Variants in PARVB observed in about 807,000 individuals in gnomAD.
PARVB encodes the protein beta-parvin.
Under a neutral mutation model 47.0 loss-of-function variants are expected in PARVB, and 46 were observed. The ratio of observed to expected loss-of-function variants is 0.98; its 90% CI spans 0.77 to 1.25. PARVB has a LOEUF of 1.25. Ranked by LOEUF, PARVB falls within the 50% of genes most tolerant of loss-of-function variation. The pLI, the probability that PARVB is intolerant of heterozygous loss-of-function variation, is 0.00. For missense variants in PARVB, 473 were observed against 471.6 expected, an observed-to-expected ratio of 1.00 and a Z score of -0.03; for synonymous variants, 196 against 196.3, an observed-to-expected ratio of 1.00 and a Z score of 0.01.
At position 44,168,662 on chromosome 22, in the gene PARVB, A is replaced by G; in HGVS notation, c.1079A>G (p.Tyr360Cys). Residue 360 changes from tyrosine to cysteine, a missense_variant, in exon 13 of 13, where the codon TAC becomes TGC. By Grantham distance (194) the Tyr-to-Cys change is radical. Coordinates refer to ENST00000338758, the MANE Select transcript of PARVB (RefSeq NM_013327.5). ...GTTCTTTACAACCTGTTCACCAAGTACAAGAACGTGGAGTGACGGGGGAGC... is the reference window on the plus strand; with the variant it reads ...GTTCTTTACAACCTGTTCACCAAGTGCAAGAACGTGGAGTGACGGGGGAGC... ...LRVLYNLFTK[Y>C]KNVE The G allele has an allele frequency of 6.2e-7, 1 of 1,611,360 alleles. No individual in the cohort carries two copies. The highest frequency in any genetic ancestry group is 1.3e-5 in the African/African-American group (1 of 74,988).
At chr22:44,000,619 C>T (rs1223067933) in intron 2 of PARVB, among the ~76,000 whole-genome samples, 2 of 152,140 alleles carry the variant, frequency 1.3e-5, no homozygotes, top group Admixed American at 6.5e-5. Flanking sequence ...GTTCGATTGA[C>T]GCATATGAAG....
intron 1 of PARVB, among the ~76,000 whole-genome samples, chr22:44,027,641 T>A (rs968510364): frequency 4.6e-5 from 7 of 152,170 alleles, no homozygotes; most frequent in African/African-American, 1.4e-4. Context: ...CTCACGCCTG[T>A]AATCCCAGCA....
Position 44,086,018 on chromosome 22 carries a change from A to G in PARVB, c.113-7910A>G, listed in dbSNP as rs183909613. ...ATCTTGAGAAATGGGCTGGAACCTC[A>G]TGCCCCAGCACAACAAGCCCCATAA... On this transcript the variant is annotated intron_variant, in intron 1 of 12. Coordinates refer to ENST00000338758, the MANE Select transcript of PARVB (RefSeq NM_013327.5). Among the ~76,000 whole-genome samples, 43 of 152,302 alleles carry G rather than the reference A, an allele frequency of 2.8e-4. No homozygotes were observed. The Middle Eastern group carries it at 0.01, about 36-fold the overall frequency.
At chr22:44,145,947 G>A (rs2053655339) in intron 8 of PARVB, 1 of 151,730 alleles carries the variant, frequency 6.6e-6, no homozygotes, top group Non-Finnish European at 1.5e-5. Context: ...CTTATTGAGT[G>A]TAGTCTTAGA....
At chr22:44,134,317 GCCCCGTGTCT>G (rs2053395046) in intron 6 of PARVB, among the ~76,000 whole-genome samples, 2 of 152,254 alleles carry the variant, frequency 1.3e-5, no homozygotes, top group South Asian at 2.1e-4. Context: ...CATTCCTATG[GCCCCGTGTCT>G]TGGCCACTGG....
chr22:44,129,261 G>A (rs1312242371), intron 4 of PARVB, among the ~76,000 whole-genome samples: 5 of 152,188 alleles, frequency 3.3e-5, no homozygotes, highest in African/African-American at 1.2e-4. Context: ...CAGGAGAGGG[G>A]CCTCAGAAGG....
At chr22:44,119,657 T>A (rs116388884) in intron 4 of PARVB, 67 of 435,868 alleles carry the variant, frequency 1.5e-4, no homozygotes, top group African/African-American at 1.2e-3. Context: ...AAACCGGTTG[T>A]TTATTCATCA....
intron 11 of PARVB, among the ~76,000 whole-genome samples, chr22:44,159,682 C>T (rs1035773978): frequency 1.3e-5 from 2 of 152,114 alleles, no homozygotes; most frequent in Middle Eastern, 3.2e-3. Context: ...CAGCTGCTGG[C>T]AAGGTCTTCA....
At chr22:44,099,671 A>G (rs970013178) in intron 2 of PARVB, among the ~76,000 whole-genome samples, 1 of 152,194 alleles carries the variant, frequency 6.6e-6, no homozygotes, top group African/African-American at 2.4e-5. Flanking sequence ...GTATTTATAA[A>G]TAGTGGCCAC....
intron 1 of PARVB, among the ~76,000 whole-genome samples, chr22:44,046,863 C>T (rs974816635): frequency 8.5e-5 from 13 of 152,206 alleles, no homozygotes; most frequent in Admixed American, 7.8e-4. Context: ...TGCTGAGGTC[C>T]TTATCAGTGC....
At chr22:44,066,984 G>A (rs1300807046) in intron 1 of PARVB, among the ~76,000 whole-genome samples, 3 of 151,996 alleles carry the variant, frequency 2.0e-5, no homozygotes, top group East Asian at 3.9e-4. Context: ...TGAATAACTG[G>A]AACTACAGGT....
chr22:44,059,810 A>G (rs1331578182), intron 1 of PARVB, among the ~76,000 whole-genome samples: 1 of 152,192 alleles, frequency 6.6e-6, no homozygotes, highest in Non-Finnish European at 1.5e-5. Flanking sequence ...AAACACTTGC[A>G]AAGCCTGCTG....
chr22:44,070,825 G>A (rs1037879456), intron 1 of PARVB, among the ~76,000 whole-genome samples: 1 of 152,162 alleles, frequency 6.6e-6, no homozygotes, highest in African/African-American at 2.4e-5. Flanking sequence ...GGACCTGTGC[G>A]GGACTTTGCT....
At chr22:44,154,856 CT>C (rs1190488594) in intron 10 of PARVB, among the ~76,000 whole-genome samples, 1 of 122,914 alleles carries the variant, frequency 8.1e-6, no homozygotes, top group Non-Finnish European at 1.6e-5. Context: ...TTTATGCAGT[CT>C]GTGGTGGGGG....
intron 10 of PARVB, among the ~76,000 whole-genome samples, chr22:44,154,759 G>A (rs905687717): frequency 1.5e-4 from 22 of 148,498 alleles, no homozygotes; most frequent in African/African-American, 5.5e-4. Context: ...TGCAGTCTGT[G>A]TGGTGTGTGT....
upstream of PARVB, among the ~76,000 whole-genome samples, chr22:44,022,954 C>T (rs779159679): frequency 4.0e-5 from 6 of 151,220 alleles, no homozygotes; most frequent in Non-Finnish European, 8.8e-5. Context: ...ACCATGTTGG[C>T]CAGGCTGGTC....
At chr22:44,126,127 C>T (rs528959446) in intron 4 of PARVB, among the ~76,000 whole-genome samples, 6 of 152,178 alleles carry the variant, frequency 3.9e-5, no homozygotes, top group African/African-American at 7.2e-5. Context: ...CTGCAGTGTA[C>T]GTGTGAACCC....
chr22:44,136,222 G>C (rs1601661585), intron 6 of PARVB, among the ~76,000 whole-genome samples: 1 of 152,172 alleles, frequency 6.6e-6, no homozygotes, highest in Admixed American at 6.5e-5. Context: ...AAGGCCACGT[G>C]GAGACCAGAG....
chr22:44,133,889 G>T (rs897902127), intron 6 of PARVB, among the ~76,000 whole-genome samples: 3 of 152,214 alleles, frequency 2.0e-5, no homozygotes, highest in African/African-American at 7.2e-5. Flanking sequence ...CGTGTGTGCA[G>T]TTTCCCTCAG....
Sources: allele counts gnomAD v4.1 joint callset (sites outside exome capture counted in the v4.1 genomes callset), GRCh38; gene constraint gnomAD v4.1.1; transcripts MANE v1.5; gene names NCBI Gene and HGNC (gene_info 2026-07-23, HGNC 2026-07-21).